The following CACNB2 variants were observed in gnomAD, a reference collection of about 807,000 sequenced individuals.
The protein encoded by CACNB2 is calcium voltage-gated channel auxiliary subunit beta 2.
In CACNB2, 42 loss-of-function variants were observed where a neutral mutation model predicts 73.3. The ratio of observed to expected loss-of-function variants is 0.57; its 90% CI spans 0.45 to 0.74. The LOEUF is 0.74. Among genes scored for constraint, CACNB2 ranks in the 30% least tolerant of loss-of-function variants. The pLI, the probability that CACNB2 is intolerant of heterozygous loss-of-function variation, is 0.00. For synonymous variants in CACNB2, 348 were observed against 310.3 expected, an observed-to-expected ratio of 1.12 and a Z score of -1.28; for missense variants, 940 against 853.0, an observed-to-expected ratio of 1.10 and a Z score of -1.27.
In CACNB2 at chr10:18,387,811, C is replaced by A. The variant is rs1589215533; in HGVS notation, c.214-14113C>A. On this transcript the variant is annotated intron_variant, in intron 2 of 13. Transcript: ENST00000324631. ...TCATTCTGTCACTCAGGCTGGGGTG[C>A]AGTGGTACAATCAAGGCTTACTGCA... Among the ~76,000 whole-genome samples, 3 of 151,724 alleles carry A rather than the reference C, an allele frequency of 2.0e-5. No homozygotes were observed. The South Asian group carries it at 6.3e-4, about 32-fold the overall frequency.
intron 3 of CACNB2, among the ~76,000 whole-genome samples, chr10:18,475,180 G>A (rs2048378417): frequency 6.6e-6 from 1 of 151,784 alleles, no homozygotes; most frequent in Non-Finnish European, 1.5e-5. Flanking sequence ...GCACGGCCCT[G>A]GGGTCACACA....
At chr10:18,435,284 G>A (rs2046078030) in intron 3 of CACNB2, among the ~76,000 whole-genome samples, 1 of 152,154 alleles carries the variant, frequency 6.6e-6, no homozygotes, top group Non-Finnish European at 1.5e-5. Context: ...ATAGTGCCGA[G>A]CTGACAATAG....
chr10:18,422,960 A>G (rs959226454), intron 3 of CACNB2, among the ~76,000 whole-genome samples: 3 of 152,228 alleles, frequency 2.0e-5, no homozygotes, highest in Non-Finnish European at 4.4e-5. Flanking sequence ...GGCTTCCCAA[A>G]TTGCTGTGAT....
chr10:18,506,814 T>A (rs973049382), intron 6 of CACNB2, among the ~76,000 whole-genome samples: 27 of 149,574 alleles, frequency 1.8e-4, no homozygotes, highest in African/African-American at 6.4e-4. Flanking sequence ...TTATTTATTT[T>A]TTTGAGACAG....
intron 3 of CACNB2, among the ~76,000 whole-genome samples, chr10:18,461,783 T>TTTTTTTG (rs1170783661): frequency 1.3e-5 from 2 of 148,722 alleles, no homozygotes; most frequent in African/African-American, 2.5e-5. Context: ...TTTTTTTTTT[T>TTTTTTTG]TTTGGCGTTG....
At chr10:18,466,100 G>T (rs1324234094) in intron 3 of CACNB2, among the ~76,000 whole-genome samples, 4 of 152,186 alleles carry the variant, frequency 2.6e-5, no homozygotes, top group African/African-American at 2.4e-5. Context: ...CTACCCTGGG[G>T]ATGACTTATC....
At position 18,495,582 on chromosome 10, in the gene CACNB2, T is replaced by TGTGTGTGTGTG. The variant is rs879828645; in HGVS notation, c.334-2763_334-2762insGGTGTGTGTGT. 5.0e-3 allele frequency among the ~76,000 whole-genome samples: 681 copies of TGTGTGTGTGTG among 135,478 alleles called. 8 individuals carry two copies. The highest frequency in any genetic ancestry group is 0.018 in the African/African-American group (652 of 36,036). 88.9% of individuals were successfully genotyped at this position (135,478 alleles called of 152,430 possible). On this transcript the variant is annotated intron_variant, in intron 3 of 13. Transcript: ENST00000324631. The stretch of plus-strand genomic sequence containing the variant: ...GTGTGTGTGTGTGTGTGTGTGTGTG[T>TGTGTGTGTGTG]GTGTGTGTGTATAAGAGATGAGGTC...
chr10:18,500,291 A>G (rs1449952785), intron 4 of CACNB2, among the ~76,000 whole-genome samples: 1 of 152,234 alleles, frequency 6.6e-6, no homozygotes, highest in Non-Finnish European at 1.5e-5. Context: ...TGCAAGACAT[A>G]AATTGTCAAC....
chr10:18,315,551 A>G (rs1378257018), intron 2 of CACNB2, among the ~76,000 whole-genome samples: 1 of 140,350 alleles, frequency 7.1e-6, no homozygotes, highest in Non-Finnish European at 1.5e-5. Flanking sequence ...TTAATTAGCC[A>G]GATGCAGTGG....
intron 2 of CACNB2, among the ~76,000 whole-genome samples, chr10:18,240,719 A>ATT (rs2036617125): frequency 2.0e-5 from 3 of 152,090 alleles, no homozygotes; most frequent in Non-Finnish European, 1.5e-5. Flanking sequence ...TCTCCCTCGG[A>ATT]TGCAGAACCA....
chr10:18,535,742 C>T (rs1203934038), intron 11 of CACNB2, among the ~76,000 whole-genome samples: 3 of 147,198 alleles, frequency 2.0e-5, no homozygotes, highest in Non-Finnish European at 4.6e-5. Flanking sequence ...CACTGCACTC[C>T]AGCCTGGGCA....
At chr10:18,438,166 C>T (rs111827557) in intron 3 of CACNB2, among the ~76,000 whole-genome samples, 19,672 of 145,808 alleles carry the variant, frequency 0.13, 1,693 homozygotes, top group East Asian at 0.25. Context: ...TACAGCCGCC[C>T]GCCAGCACAC....
At chr10:18,466,362 C>G (rs2132714717) in intron 3 of CACNB2, among the ~76,000 whole-genome samples, 1 of 152,232 alleles carries the variant, frequency 6.6e-6, no homozygotes, top group Admixed American at 6.5e-5. Context: ...CAGCCTTCTG[C>G]ATAGCTGGGA....
At chr10:18,261,109 G>C in intron 2 of CACNB2, 1 of 1,498,950 alleles carries the variant, frequency 6.7e-7, no homozygotes, top group South Asian at 1.3e-5. Flanking sequence ...AGGAACGGTG[G>C]CTTTTTTAGA....
intron 2 of CACNB2, among the ~76,000 whole-genome samples, chr10:18,263,217 T>A (rs2037637232): frequency 6.6e-6 from 1 of 152,136 alleles, no homozygotes; most frequent in Non-Finnish European, 1.5e-5. Flanking sequence ...CGAAACCTAT[T>A]TTTTTCCTTG....
At chr10:18,206,632 C>A (rs1162488008) in intron 2 of CACNB2, 1 of 152,302 alleles carries the variant, frequency 6.6e-6, no homozygotes, top group East Asian at 1.9e-4. Flanking sequence ...CGTCCATGTA[C>A]TTCCCTCAAA....
intron 3 of CACNB2, among the ~76,000 whole-genome samples, chr10:18,474,064 T>C (rs796427478): frequency 1.3e-5 from 2 of 152,216 alleles, no homozygotes; most frequent in Admixed American, 6.5e-5. Context: ...TGGAACATGA[T>C]GTTTTGAGAT....
At chr10:18,501,336 T>G (rs11014523) in intron 5 of CACNB2, among the ~76,000 whole-genome samples, 34,578 of 152,162 alleles carry the variant, frequency 0.23, 4,246 homozygotes, top group Middle Eastern at 0.26. Flanking sequence ...AGAGATGACA[T>G]TCTCAGACAT....
Position 18,150,874 on chromosome 10 carries a change from T to TTTTTTTA in CACNB2, c.121-8_121-2dup. On this transcript the variant is annotated splice_polypyrimidine_tract_variant and intron_variant, in intron 1 of 13. Transcript: ENST00000324631. ...ATTTGTCTTTTTTTTTTTTTTTTTT[T>TTTTTTTA]TTTTTTAGTCATATGGAAAAGGAGC... 7.9e-7 allele frequency: 1 copy of TTTTTTTA among 1,271,866 alleles called. No individual in the cohort carries two copies. Among genetic ancestry groups the TTTTTTTA allele is most frequent in the Non-Finnish European group, 1.1e-6 (1 of 931,464 alleles). 78.8% of individuals were successfully genotyped at this position (1,271,866 alleles called of 1,614,324 possible). A position where few individuals can be genotyped will look rare whatever the true frequency, so the allele number is the denominator to read the frequency against.
Sources: allele counts gnomAD v4.1 joint callset (sites outside exome capture counted in the v4.1 genomes callset), GRCh38; gene constraint gnomAD v4.1.1; transcripts MANE v1.5; gene names NCBI Gene and HGNC (gene_info 2026-07-23, HGNC 2026-07-21).